Variants in CCDC102B observed in about 807,000 individuals in gnomAD.
CCDC102B encodes the protein coiled-coil domain-containing protein 102B.
Under a neutral mutation model 57.4 loss-of-function variants are expected in CCDC102B, and 75 were observed. That is an observed-to-expected ratio of 1.31 (90% confidence interval 1.08 to 1.58). The LOEUF (loss-of-function observed/expected upper bound fraction) is 1.58. CCDC102B is among the 40% of genes most tolerant of loss of function. The pLI, the probability that CCDC102B is intolerant of heterozygous loss-of-function variation, is 0.00. For synonymous variants in CCDC102B, 206 were observed against 201.9 expected (o/e 1.02, Z -0.17); for missense variants, 636 against 582.6 (o/e 1.09, Z -0.94).
chr18:68,781,249 C>T (rs2034999014), intron 2 of CCDC102B, among the ~76,000 whole-genome samples: 1 of 151,976 alleles, frequency 6.6e-6, no homozygotes, highest in Non-Finnish European at 1.5e-5. Flanking sequence ...TGAAAAGAAA[C>T]ATCTATGACT....
At chr18:69,038,341 T>G (rs1243659596) in intron 7 of CCDC102B, among the ~76,000 whole-genome samples, 1 of 47,502 alleles carries the variant, frequency 2.1e-5, no homozygotes, top group Non-Finnish European at 1.3e-4. Context: ...GGAGTACATT[T>G]GTGCAAAATG....
At chr18:68,724,624 C>T (rs567838282) in intron 2 of CCDC102B, among the ~76,000 whole-genome samples, 23 of 152,334 alleles carry the variant, frequency 1.5e-4, no homozygotes, top group Middle Eastern at 3.4e-3. Flanking sequence ...CCATCTGAGA[C>T]CACCTCAGCC....
chr18:68,953,355 CTTTTTTTT>C (rs5825890), intron 6 of CCDC102B, among the ~76,000 whole-genome samples: 1 of 125,536 alleles, frequency 8.0e-6, no homozygotes, highest in Non-Finnish European at 1.6e-5. Flanking sequence ...CAATACTTGT[CTTTTTTTT>C]TTTTTTTTTT....
chr18:68,956,238 A>G (rs545525549), intron 6 of CCDC102B, among the ~76,000 whole-genome samples: 88 of 146,676 alleles, frequency 6.0e-4, no homozygotes, highest in Non-Finnish European at 9.2e-4. Flanking sequence ...TTGCTTCCAA[A>G]TCTTGGCTAT....
intron 5 of CCDC102B, among the ~76,000 whole-genome samples, chr18:68,890,656 A>G (rs1189709168): frequency 6.6e-6 from 1 of 152,154 alleles, no homozygotes; most frequent in East Asian, 1.9e-4. Flanking sequence ...CTTGCTTTAG[A>G]GATAGTATAT....
intron 6 of CCDC102B, among the ~76,000 whole-genome samples, chr18:68,907,398 G>T (rs1306031251): frequency 6.6e-6 from 1 of 150,922 alleles, no homozygotes; most frequent in African/African-American, 2.4e-5. Flanking sequence ...GCTTTTCAGA[G>T]TATTAACAGT....
At chr18:68,929,073 G>A (rs544768211) in intron 6 of CCDC102B, among the ~76,000 whole-genome samples, 7 of 151,960 alleles carry the variant, frequency 4.6e-5, no homozygotes, top group South Asian at 2.1e-4. Flanking sequence ...ATTTCAACTC[G>A]TCATAGCTAA....
chr18:68,894,483 G>A (rs577419632), intron 5 of CCDC102B, among the ~76,000 whole-genome samples: 1 of 151,690 alleles, frequency 6.6e-6, no homozygotes, highest in Non-Finnish European at 1.5e-5. Context: ...GCAAAGCAAT[G>A]GAATTCTATT....
At chr18:68,905,400 T>G (rs988847146) in intron 6 of CCDC102B, among the ~76,000 whole-genome samples, 5 of 150,944 alleles carry the variant, frequency 3.3e-5, no homozygotes, top group African/African-American at 1.2e-4. Context: ...TTATTTAAAA[T>G]TAAAACTAAA....
chr18:69,030,631 T>C (rs2052113126), intron 7 of CCDC102B, among the ~76,000 whole-genome samples: 1 of 152,220 alleles, frequency 6.6e-6, no homozygotes, highest in African/African-American at 2.4e-5. Context: ...TGTTAGTATT[T>C]ATTTTCTCAT....
intron 2 of CCDC102B, among the ~76,000 whole-genome samples, chr18:68,722,425 G>T (rs2032383197): frequency 6.6e-6 from 1 of 152,112 alleles, no homozygotes; most frequent in Admixed American, 6.5e-5. Context: ...GAGTGCTGCT[G>T]TTATAAAAGA....
At chr18:68,945,404 T>C (rs999996820) in intron 6 of CCDC102B, among the ~76,000 whole-genome samples, 10 of 152,094 alleles carry the variant, frequency 6.6e-5, no homozygotes, top group Admixed American at 6.6e-4. Flanking sequence ...TAAAATGTGA[T>C]TTGCTTACCA....
At chr18:68,994,146 T>A (rs565457992) in intron 6 of CCDC102B, among the ~76,000 whole-genome samples, 2 of 152,320 alleles carry the variant, frequency 1.3e-5, no homozygotes, top group African/African-American at 4.8e-5. Flanking sequence ...CCAAAGAATC[T>A]TAAAAACTGC....
chr18:68,931,269 G>A (rs940226380), intron 6 of CCDC102B, among the ~76,000 whole-genome samples: 19 of 151,804 alleles, frequency 1.3e-4, no homozygotes, highest in African/African-American at 4.6e-4. Flanking sequence ...GGCATTTATT[G>A]CACTTTATAT....
chr18:69,012,672 C>T (rs1265177394), intron 7 of CCDC102B, among the ~76,000 whole-genome samples: 1 of 151,988 alleles, frequency 6.6e-6, no homozygotes, highest in Non-Finnish European at 1.5e-5. Flanking sequence ...GTCTCACGTC[C>T]TGAGGCCACC....
intron 4 of CCDC102B, among the ~76,000 whole-genome samples, chr18:68,854,061 T>C (rs2038266172): frequency 6.6e-6 from 1 of 151,028 alleles, no homozygotes; most frequent in South Asian, 2.1e-4. Context: ...AAATATCAGG[T>C]ATCTTTATGT....
intron 5 of CCDC102B, among the ~76,000 whole-genome samples, chr18:68,889,040 T>TC (rs397753519): frequency 2.0e-5 from 3 of 151,546 alleles, no homozygotes; most frequent in African/African-American, 7.3e-5. Flanking sequence ...GTTTTTTTTT[T>TC]CTTTGTCTCT....
At chr18:68,822,986 C>T (rs2036754794) in intron 1 of CCDC102B, among the ~76,000 whole-genome samples, 1 of 152,132 alleles carries the variant, frequency 6.6e-6, no homozygotes, top group African/African-American at 2.4e-5. Context: ...CCCCTCCCGC[C>T]CCCACACTCC....
intron 2 of CCDC102B, among the ~76,000 whole-genome samples, chr18:68,722,990 A>C (rs2032422397): frequency 6.6e-6 from 1 of 151,256 alleles, no homozygotes; most frequent in South Asian, 2.1e-4. Flanking sequence ...AGCTGTGAAG[A>C]AATATGAGAC....
Sources: allele counts gnomAD v4.1 joint callset (sites outside exome capture counted in the v4.1 genomes callset), GRCh38; gene constraint gnomAD v4.1.1; transcripts MANE v1.5; gene names NCBI Gene and HGNC (gene_info 2026-07-23, HGNC 2026-07-21).